The following TAFA1 variants were observed in gnomAD, a reference collection of about 807,000 sequenced individuals.
TAFA1 encodes TAFA chemokine like family member 1, also known as chemokine-like protein TAFA-1.
In TAFA1, 4 loss-of-function variants were observed where a neutral mutation model predicts 18.5. The ratio of observed to expected loss-of-function variants is 0.22; its 90% CI spans 0.11 to 0.49. The LOEUF is 0.49. Ranked by LOEUF, TAFA1 falls within the 20% of genes least tolerant of loss-of-function variation. The pLI is 0.98. For missense variants in TAFA1, 147 were observed against 169.0 expected, an observed-to-expected ratio of 0.87 and a Z score of 0.72; for synonymous variants, 56 against 55.2, an observed-to-expected ratio of 1.01 and a Z score of -0.06.
intron 2 of TAFA1, among the ~76,000 whole-genome samples, chr3:68,248,169 AAAG>A (rs142010087): frequency 0.013 from 1,944 of 152,288 alleles, 40 homozygotes; most frequent in African/African-American, 0.044. Flanking sequence ...TAAAACCAAA[AAAG>A]CTAAATGATT....
intron 2 of TAFA1, among the ~76,000 whole-genome samples, chr3:68,354,270 G>A (rs1261330570): frequency 6.6e-6 from 1 of 151,822 alleles, no homozygotes; most frequent in Non-Finnish European, 1.5e-5. Context: ...TCACATAAAA[G>A]ATGTGGATTT....
rs112109196 is a variant in TAFA1 at position 68,500,816 on chromosome 3, C to T, written c.260-37940C>T. Among the ~76,000 whole-genome samples, 1,013 of 151,918 alleles carry T rather than the reference C, an allele frequency of 6.7e-3. 11 individuals are homozygous for T. The highest frequency in any genetic ancestry group is 0.023 in the African/African-American group (971 of 41,412). Reference sequence around the variant, plus strand: ...CACCCCCACTTCAGAAGTTCATGAACAGAGAGTAGAAACTAGATGATTCTC... The same window carrying T: ...CACCCCCACTTCAGAAGTTCATGAATAGAGAGTAGAAACTAGATGATTCTC... On this transcript the variant is annotated intron_variant, in intron 3 of 4. Transcript: ENST00000478136.
intron 2 of TAFA1, among the ~76,000 whole-genome samples, chr3:68,286,677 T>C (rs1156296975): frequency 1.3e-5 from 2 of 152,154 alleles, no homozygotes; most frequent in Non-Finnish European, 2.9e-5. Flanking sequence ...GGCACTGGAA[T>C]TGAGTTATGG....
chr3:68,068,433 G>C (rs890899785), intron 2 of TAFA1, among the ~76,000 whole-genome samples: 2 of 152,172 alleles, frequency 1.3e-5, no homozygotes, highest in African/African-American at 4.8e-5. Flanking sequence ...CTGCTTTTCT[G>C]AGGCTTGAGA....
chr3:68,357,081 C>G (rs1356889166), intron 2 of TAFA1, among the ~76,000 whole-genome samples: 1 of 151,938 alleles, frequency 6.6e-6, no homozygotes, highest in African/African-American at 2.4e-5. Context: ...TGTGTTTTCT[C>G]TTGCCAATCA....
chr3:68,381,876 T>C (rs932602682), intron 2 of TAFA1, among the ~76,000 whole-genome samples: 1 of 152,204 alleles, frequency 6.6e-6, no homozygotes, highest in African/African-American at 2.4e-5. Context: ...CTTCCAGTTT[T>C]TGCCCATTCA....
intron 2 of TAFA1, among the ~76,000 whole-genome samples, chr3:68,365,272 G>T (rs72626991): frequency 0.12 from 17,727 of 152,124 alleles, 1,288 homozygotes; most frequent in East Asian, 0.26. Flanking sequence ...GATAGATCTA[G>T]ATCTTGAACA....
chr3:68,347,166 G>A (rs1362552883), intron 2 of TAFA1, among the ~76,000 whole-genome samples: 1 of 152,112 alleles, frequency 6.6e-6, no homozygotes, highest in Non-Finnish European at 1.5e-5. Flanking sequence ...CAGAAAGTGT[G>A]ATTTTTGCTA....
chr3:68,087,320 C>T lies in TAFA1; in HGVS notation c.118+80576C>T, dbSNP rs6776163. On this transcript the variant is annotated intron_variant, in intron 2 of 4. Transcript: ENST00000478136. Reference sequence around the variant, plus strand: ...AGAAGATAATTACTATCAATATTTTCACTCTCAGTTAGAGGACATGAGGTT... The same window carrying T: ...AGAAGATAATTACTATCAATATTTTTACTCTCAGTTAGAGGACATGAGGTT... Among the ~76,000 whole-genome samples the T allele has an allele frequency of 3.7e-3, 556 of 152,164 alleles. 5 individuals carry two copies. Among genetic ancestry groups the T allele is most frequent in the African/African-American group, 0.013 (520 of 41,512 alleles).
intron 2 of TAFA1, among the ~76,000 whole-genome samples, chr3:68,017,736 T>C (rs917696980): frequency 3.3e-5 from 5 of 152,240 alleles, no homozygotes; most frequent in African/African-American, 9.6e-5. Flanking sequence ...TGTCAACTTC[T>C]GAGAGTTGAA....
At chr3:68,217,538 G>T (rs776087602) in intron 2 of TAFA1, among the ~76,000 whole-genome samples, 1 of 151,772 alleles carries the variant, frequency 6.6e-6, no homozygotes, top group Non-Finnish European at 1.5e-5. Context: ...TTAAAACTAA[G>T]GCAATCTGAA....
At chr3:68,249,450 A>G (rs2067148303) in intron 2 of TAFA1, among the ~76,000 whole-genome samples, 1 of 152,218 alleles carries the variant, frequency 6.6e-6, no homozygotes, top group Admixed American at 6.5e-5. Context: ...ATAAGGCGTC[A>G]CTGACAAAAT....
At chr3:68,105,084 C>T (rs576074271) in intron 2 of TAFA1, among the ~76,000 whole-genome samples, 1 of 151,986 alleles carries the variant, frequency 6.6e-6, no homozygotes, top group African/African-American at 2.4e-5. Flanking sequence ...CAAGGAGGTG[C>T]CACACTCTTT....
intron 2 of TAFA1, among the ~76,000 whole-genome samples, chr3:68,249,393 T>C (rs748065894): frequency 4.5e-4 from 69 of 152,258 alleles, no homozygotes; most frequent in Non-Finnish European, 8.8e-4. Context: ...TCCCCAGCTG[T>C]TTTAGTCACA....
intron 3 of TAFA1, among the ~76,000 whole-genome samples, chr3:68,449,372 C>A (rs771936487): frequency 6.6e-6 from 1 of 151,944 alleles, no homozygotes; most frequent in Non-Finnish European, 1.5e-5. Context: ...GAGGTAAGGG[C>A]GAGAACAGAG....
chr3:68,015,418 C>T (rs1490940928), intron 2 of TAFA1, among the ~76,000 whole-genome samples: 2 of 151,972 alleles, frequency 1.3e-5, no homozygotes, highest in Non-Finnish European at 2.9e-5. Flanking sequence ...TCCTGAGTAG[C>T]TGGGACTACA....
At chr3:68,450,396 G>A (rs975191169) in intron 3 of TAFA1, among the ~76,000 whole-genome samples, 1 of 152,198 alleles carries the variant, frequency 6.6e-6, no homozygotes, top group African/African-American at 2.4e-5. Flanking sequence ...TGAGCCTGAA[G>A]ACAAAGAGGT....
intron 2 of TAFA1, among the ~76,000 whole-genome samples, chr3:68,300,876 C>T (rs2068292196): frequency 6.6e-6 from 1 of 152,052 alleles, no homozygotes; most frequent in East Asian, 1.9e-4. Flanking sequence ...CCCCTTCCAC[C>T]ATGATTGTAA....
intron 2 of TAFA1, among the ~76,000 whole-genome samples, chr3:68,340,387 T>C (rs967324544): frequency 1.3e-5 from 2 of 152,242 alleles, no homozygotes; most frequent in Admixed American, 6.5e-5. Context: ...GAGAATGTAC[T>C]TAACAGGATC....
Sources: gnomAD v4.1 joint callset for allele counts (sites outside exome capture counted in the v4.1 genomes callset) on GRCh38, gnomAD v4.1.1 for gene constraint, MANE v1.5 for transcripts, NCBI Gene and HGNC (gene_info 2026-07-23, HGNC 2026-07-21) for gene names.